Variants in LEKR1 observed in about 807,000 individuals in gnomAD.
LEKR1 encodes protein LEKR1.
A neutral mutation model predicts 72.4 loss-of-function variants in LEKR1; 59 were observed. The observed-to-expected ratio is 0.82, with a 90% CI of 0.66 to 1.01. LEKR1 has a LOEUF of 1.01. LEKR1 is among the 50% of genes least tolerant of loss of function. LEKR1 has a pLI of 0.00. For synonymous variants in LEKR1, 257 were observed against 263.2 expected (o/e 0.98, Z 0.23); for missense variants, 728 against 759.2 (o/e 0.96, Z 0.48).
intron 6 of LEKR1, among the ~76,000 whole-genome samples, chr3:156,955,608 G>T (rs1187759294): frequency 6.6e-6 from 1 of 151,950 alleles, no homozygotes; most frequent in Non-Finnish European, 1.5e-5. Flanking sequence ...ATCATCATGT[G>T]GTTTTTGTCT....
chr3:156,976,209 ACTGT>A (rs1005863099), intron 6 of LEKR1, among the ~76,000 whole-genome samples: 4 of 152,180 alleles, frequency 2.6e-5, no homozygotes, highest in African/African-American at 4.8e-5. Flanking sequence ...TGCCATTTTT[ACTGT>A]CTATTATTCT....
intron 10 of LEKR1, among the ~76,000 whole-genome samples, chr3:157,023,305 C>T (rs956296660): frequency 5.3e-5 from 8 of 152,238 alleles, no homozygotes; most frequent in Non-Finnish European, 5.9e-5. Context: ...GACTCCAGTT[C>T]TAATAGATTT....
chr3:157,005,232 A>G (rs537601660), intron 9 of LEKR1, among the ~76,000 whole-genome samples: 152 of 152,226 alleles, frequency 1.0e-3, no homozygotes, highest in South Asian at 3.7e-3. Context: ...AATTTTTTAA[A>G]CAAACTACCA....
intron 3 of LEKR1, among the ~76,000 whole-genome samples, chr3:156,880,218 C>T (rs947431225): frequency 5.3e-5 from 8 of 152,216 alleles, no homozygotes; most frequent in African/African-American, 1.9e-4. Context: ...CGGAGCTGCC[C>T]AAGGCTGTGG....
intron 10 of LEKR1, among the ~76,000 whole-genome samples, chr3:157,012,975 A>T (rs2046270): frequency 0.51 from 77,459 of 151,950 alleles, 22,733 homozygotes; most frequent in South Asian, 0.78. Context: ...GAGCAATGAA[A>T]GATTGTTTAT....
At chr3:156,845,983 A>G (rs1398118945) in intron 2 of LEKR1, among the ~76,000 whole-genome samples, 2 of 152,150 alleles carry the variant, frequency 1.3e-5, no homozygotes, top group Non-Finnish European at 1.5e-5. Flanking sequence ...GATCTTCAAT[A>G]TATTTCATCA....
intron 3 of LEKR1, among the ~76,000 whole-genome samples, chr3:156,890,429 G>A (rs934348880): frequency 7.2e-5 from 11 of 152,008 alleles, no homozygotes; most frequent in East Asian, 3.8e-4. Context: ...ATTTAAGTAC[G>A]TATAATTGAT....
At chr3:157,033,173 T>C (rs1179511355) in intron 12 of LEKR1, among the ~76,000 whole-genome samples, 1 of 152,178 alleles carries the variant, frequency 6.6e-6, no homozygotes, top group Admixed American at 6.6e-5. Flanking sequence ...TTAGGCCAAT[T>C]AACAACGCTA....
intron 9 of LEKR1, among the ~76,000 whole-genome samples, chr3:156,998,504 G>A (rs1644145967): frequency 6.6e-6 from 1 of 151,900 alleles, no homozygotes; most frequent in Admixed American, 6.6e-5. Flanking sequence ...TAAACTCCAA[G>A]AAAAAATACA....
intron 3 of LEKR1, among the ~76,000 whole-genome samples, chr3:156,907,695 A>G (rs1289748887): frequency 6.6e-6 from 1 of 152,188 alleles, no homozygotes; most frequent in Non-Finnish European, 1.5e-5. Context: ...TAGTACAGAT[A>G]GTTTTCAGAT....
chr3:156,990,393 G>A (rs1016335626), intron 7 of LEKR1, among the ~76,000 whole-genome samples: 4 of 152,042 alleles, frequency 2.6e-5, no homozygotes, highest in South Asian at 2.1e-4. Context: ...GTTCTCTTTC[G>A]ATTAATAAGA....
chr3:156,837,953 C>T (rs1343101777), intron 2 of LEKR1, among the ~76,000 whole-genome samples: 3 of 152,112 alleles, frequency 2.0e-5, no homozygotes, highest in African/African-American at 7.2e-5. Context: ...GAATCATAGT[C>T]AAAAACCTCA....
chr3:157,039,680 A>G (rs1340543947), intron 12 of LEKR1, among the ~76,000 whole-genome samples: 1 of 152,224 alleles, frequency 6.6e-6, no homozygotes, highest in African/African-American at 2.4e-5. Context: ...TGTAAACTCT[A>G]AGATTAAATT....
rs142691853 is a variant in LEKR1 at position 156,904,768 on chromosome 3, G to A, written c.264-15807G>A. 2.4e-3 allele frequency among the ~76,000 whole-genome samples: 372 copies of A among 151,848 alleles called. 3 individuals are homozygous for A. The highest frequency in any genetic ancestry group is 8.0e-3 in the African/African-American group (333 of 41,370). ...CTTCCTTGTCCTCCCAAAGTGCTAC[G>A]ATTATAGGCATGAGCCACTGTGCCC... On this transcript the variant is annotated intron_variant, in intron 3 of 12. Transcript: ENST00000356539.
chr3:156,971,021 C>G (rs910157238), intron 6 of LEKR1, among the ~76,000 whole-genome samples: 4 of 151,570 alleles, frequency 2.6e-5, no homozygotes, highest in Admixed American at 2.6e-4. Flanking sequence ...AAAAAGAGCC[C>G]GCATCGCCAA....
chr3:157,007,022 A>C (rs1045273783), intron 9 of LEKR1, among the ~76,000 whole-genome samples: 5 of 151,612 alleles, frequency 3.3e-5, no homozygotes, highest in Admixed American at 2.0e-4. Flanking sequence ...ACACGACGAA[A>C]CCCCGTCTCT....
intron 3 of LEKR1, chr3:156,888,557 A>G (rs1220369350): frequency 5.6e-6 from 3 of 540,154 alleles, no homozygotes; most frequent in Non-Finnish European, 3.3e-6. Context: ...GGGCCTGGTT[A>G]GATTTGGGAG....
chr3:157,040,197 T>A (rs914647561), intron 12 of LEKR1, among the ~76,000 whole-genome samples: 4 of 152,240 alleles, frequency 2.6e-5, no homozygotes, highest in African/African-American at 9.6e-5. Flanking sequence ...AAATTTTGTA[T>A]GTTTAATTAG....
At chr3:156,930,306 A>T (rs962067173) in intron 5 of LEKR1, among the ~76,000 whole-genome samples, 6 of 152,184 alleles carry the variant, frequency 3.9e-5, no homozygotes, top group Non-Finnish European at 8.8e-5. Context: ...ATAAGTGACA[A>T]ATATGAGTAA....
Sources: allele counts gnomAD v4.1 joint callset (sites outside exome capture counted in the v4.1 genomes callset), GRCh38; gene constraint gnomAD v4.1.1; transcripts MANE v1.5; gene names NCBI Gene and HGNC (gene_info 2026-07-23, HGNC 2026-07-21).